Variants in NCBP2 observed in about 807,000 individuals in gnomAD.
NCBP2 encodes the protein nuclear cap-binding protein subunit 2.
A neutral mutation model predicts 21.5 loss-of-function variants in NCBP2; 8 were observed. That is an observed-to-expected ratio of 0.37 (90% CI 0.22 to 0.67). The LOEUF is 0.67. Ranked by LOEUF, NCBP2 falls within the 30% of genes least tolerant of loss-of-function variation. NCBP2 has a pLI of 0.56. For missense variants in NCBP2, 127 were observed against 206.9 expected (o/e 0.61, Z 2.37); for synonymous variants, 92 against 75.8 (o/e 1.21, Z -1.11).
intron 2 of NCBP2, 121 bp downstream of exon 2, chr3:196,939,130 C>G: frequency 1.3e-6 from 1 of 780,914 alleles, no homozygotes; most frequent in East Asian, 2.5e-5. Flanking sequence ...CAGAGACACA[C>G]TGGGTGGAAA....
chr3:196,935,468 C>G lies in NCBP2; in HGVS notation c.*1543G>C, dbSNP rs1034105268. 1.3e-5 allele frequency: 2 copies of G among 152,142 alleles called. No individual in the cohort carries two copies. The highest frequency in any genetic ancestry group is 2.9e-5 in the Non-Finnish European group (2 of 68,038). The allele number at this position is 152,142 out of a possible 1,614,324, so 9.4% of individuals were successfully genotyped here. A position where few individuals can be genotyped will look rare whatever the true frequency, so the allele number is the denominator to read the frequency against. ...GACAATCCGAATAAAACCACTGTCTCCTGTAGAAATCTGAGTTATGTTGTT... is the reference window on the plus strand; with the variant it reads ...GACAATCCGAATAAAACCACTGTCTGCTGTAGAAATCTGAGTTATGTTGTT... On this transcript the variant is annotated 3_prime_UTR_variant, in exon 4 of 4. Transcript: ENST00000321256.
At chr3:196,939,524 G>T in intron 1 of NCBP2, 92 bp from the exon 2 acceptor site, 1 of 1,028,432 alleles carries the variant, frequency 9.7e-7, no homozygotes, top group Non-Finnish European at 1.4e-6. Flanking sequence ...ATTAATTCTG[G>T]TTTGGAAATC....
In NCBP2 at chr3:196,939,409, T is replaced by C. The variant is rs754124064; in HGVS notation, c.102A>G (p.Lys34=). The C allele has an allele frequency of 1.2e-5, 19 of 1,607,360 alleles. No homozygotes were observed. The highest frequency in any genetic ancestry group is 1.6e-5 in the Non-Finnish European group (19 of 1,177,154). The stretch of plus-strand genomic sequence containing the variant: ...ATAACGTACAGCTTTTCTTCAGTAA[T>C]TTTTCTTGTTCTTCATTGTCACCCT... ...HFRGDNEEQE[K]LLKKSCTLYV... is the part of the protein sequence containing the mutation. The change falls in exon 2 of 4, where the codon AAA becomes AAG. Residue 34 remains lysine (K), a synonymous_variant. Transcript: ENST00000321256.
At chr3:196,939,521 C>G in intron 1 of NCBP2, 89 bp from the exon 2 acceptor site, 6 of 1,055,740 alleles carry the variant, frequency 5.7e-6, no homozygotes, top group Non-Finnish European at 8.0e-6. Context: ...TTCATTAATT[C>G]TGGTTTGGAA....
At position 196,936,963 on chromosome 3, in the gene NCBP2, A is replaced by T; in HGVS notation, c.*48T>A. On this transcript the variant is annotated 3_prime_UTR_variant, in exon 4 of 4. Transcript: ENST00000321256. ...AGACTTTAGGTGATGTTCTTCAGCA[A>T]ATTCAACAGGCCAAAGGAGTGTTTG... 1 of 1,578,614 alleles carries T rather than the reference A, an allele frequency of 6.3e-7. No homozygotes were observed. Among genetic ancestry groups the T allele is most frequent in the Non-Finnish European group, 8.7e-7 (1 of 1,147,602 alleles).
chr3:196,941,500 C>T, intron 1 of NCBP2: 1 of 198,220 alleles, frequency 5.0e-6, no homozygotes, highest in Non-Finnish European at 1.0e-5. Flanking sequence ...CTGCTATATG[C>T]GCCCCTTCCT....
chr3:196,937,389 T>C, intron 3 of NCBP2, 121 bp downstream of exon 3: 1 of 1,467,778 alleles, frequency 6.8e-7, no homozygotes, highest in East Asian at 2.3e-5. Flanking sequence ...TCAGATCCAC[T>C]TCAAGCCAAG....
At chr3:196,938,860 A>G (rs142509439) in intron 2 of NCBP2, 1,656 of 159,648 alleles carry the variant, frequency 0.01, 21 homozygotes, top group African/African-American at 0.031. Flanking sequence ...ATGATTTTAA[A>G]AACAGCACAT....
chr3:196,941,698 T>G, intron 1 of NCBP2: 1 of 592,502 alleles, frequency 1.7e-6, no homozygotes, highest in Non-Finnish European at 3.0e-6. Context: ...CCAACCGTAT[T>G]CCATCCCTAC....
At position 196,939,426 on chromosome 3, in the gene NCBP2, T is replaced by G; in HGVS notation, c.85A>C (p.Asn29His). Reference sequence around the variant, plus strand: ...TTCAGTAATTTTTCTTGTTCTTCATTGTCACCCTAGAATTTCAAATAGAGA... The same window carrying G: ...TTCAGTAATTTTTCTTGTTCTTCATGGTCACCCTAGAATTTCAAATAGAGA... ...QYRDQHFRGD[N>H]EEQEKLLKKS... is the part of the protein sequence containing the mutation. Residue 29 changes from asparagine (N) to histidine (H), a missense_variant, in exon 2 of 4, where the codon AAT becomes CAT. By Grantham distance (68) the Asn-to-His change is moderately conservative. Transcript: ENST00000321256. The G allele has an allele frequency of 6.2e-7, 1 of 1,603,022 alleles. No individual in the cohort carries two copies. Among genetic ancestry groups the G allele is most frequent in the Non-Finnish European group, 8.5e-7 (1 of 1,174,784 alleles).
At chr3:196,940,328 C>T (rs1421902693) in intron 1 of NCBP2, among the ~76,000 whole-genome samples, 3 of 151,784 alleles carry the variant, frequency 2.0e-5, no homozygotes, top group African/African-American at 4.8e-5. Context: ...GCTGAGATTG[C>T]ACCACTGCAC....
chr3:196,942,465 G>A lies in NCBP2; in HGVS notation c.39C>T (p.Ser13=). The change falls in exon 1 of 4, where the codon TCC becomes TCT. Residue 13 remains serine, a synonymous_variant. Transcript: ENST00000321256. The stretch of plus-strand genomic sequence containing the variant: ...CCCGGTACTGGCTCAGCTCCACGTA[G>A]GAGTCGCTGCGCAGCGCCTTCAGGA... ...GGLLKALRSD[S]YVELSQYRDQ... 2 of 1,613,324 alleles carry A rather than the reference G, an allele frequency of 1.2e-6. No individual in the cohort carries two copies. The highest frequency in any genetic ancestry group is 1.7e-6 in the Non-Finnish European group (2 of 1,179,942).
rs563922898 is a variant in NCBP2 at position 196,940,363 on chromosome 3, ACT to A, written c.79-933_79-932del. Among the ~76,000 whole-genome samples the A allele has an allele frequency of 2.7e-4, 40 of 147,376 alleles. No individual in the cohort carries two copies. The East Asian group carries it at 7.8e-3, about 29-fold the overall frequency. On this transcript the variant is annotated intron_variant, in intron 1 of 3. Coordinates refer to ENST00000321256, the MANE Select transcript of NCBP2 (RefSeq NM_007362.5). Reference sequence around the variant, plus strand: ...CTTGAGCCTGGACAACAAGAGTGAAACTCTATCTCAAAAAAAAAAAGTCCACA... The same window carrying A: ...CTTGAGCCTGGACAACAAGAGTGAAACTATCTCAAAAAAAAAAAGTCCACA...
rs78025549 is a variant in NCBP2 at position 196,939,080 on chromosome 3, A to G, written c.260+171T>C. 1,289 of 529,908 alleles carry G rather than the reference A, an allele frequency of 2.4e-3. 23 individuals carry two copies. The East Asian group carries it at 0.034, about 14-fold the overall frequency. 32.8% of individuals were successfully genotyped at this position (529,908 alleles called of 1,614,324 possible). A position where few individuals can be genotyped will look rare whatever the true frequency, so the allele number is the denominator to read the frequency against. On this transcript the variant is annotated intron_variant, in intron 2 of 3. Transcript: ENST00000321256. The stretch of plus-strand genomic sequence containing the variant: ...TAAAGAACCATAAAGCATGGATTTC[A>G]GAAGAGAATATAAATAGTATCAGCT...
chr3:196,941,147 G>C (rs1337730811), intron 1 of NCBP2: 1 of 152,022 alleles, frequency 6.6e-6, no homozygotes, highest in Non-Finnish European at 1.5e-5. Flanking sequence ...GCCCAGGCTG[G>C]AGTGCAGTGG....
At chr3:196,937,333 A>AT in intron 3 of NCBP2, 177 bp downstream of exon 3, 1 of 920,538 alleles carries the variant, frequency 1.1e-6, no homozygotes, top group Non-Finnish European at 1.6e-6. Flanking sequence ...AGAACATACC[A>AT]TTTCACGGTT....
At chr3:196,939,862 T>TAG (rs1716445763) in intron 1 of NCBP2, 1 of 156,552 alleles carries the variant, frequency 6.4e-6, no homozygotes, top group Non-Finnish European at 1.4e-5. Flanking sequence ...AATAACCCCC[T>TAG]AGAGACTGTT....
At chr3:196,937,369 T>G in intron 3 of NCBP2, 141 bp downstream of exon 3, 2 of 1,281,590 alleles carry the variant, frequency 1.6e-6, no homozygotes. Flanking sequence ...CCCAAACCGT[T>G]GGGTGGTTTT....
At chr3:196,937,359 C>A in intron 3 of NCBP2, 151 bp downstream of exon 3, 1 of 1,209,332 alleles carries the variant, frequency 8.3e-7, no homozygotes, top group Non-Finnish European at 1.1e-6. Context: ...AAAAAATTCA[C>A]CCAAACCGTT....
Sources: gnomAD v4.1 joint callset for allele counts (sites outside exome capture counted in the v4.1 genomes callset) on GRCh38, gnomAD v4.1.1 for gene constraint, MANE v1.5 for transcripts, NCBI Gene and HGNC (gene_info 2026-07-23, HGNC 2026-07-21) for gene names.